ADAMTS20: variants seen among roughly 807,000 people sequenced by gnomAD.
ADAMTS20 encodes the protein A disintegrin and metalloproteinase with thrombospondin motifs 20.
A neutral mutation model predicts 260.1 loss-of-function variants in ADAMTS20; 225 were observed. That is an observed-to-expected ratio of 0.87 (90% CI 0.78 to 0.97). The LOEUF (loss-of-function observed/expected upper bound fraction) is 0.97, where lower values mean the gene tolerates loss of function less well. Ranked by LOEUF, ADAMTS20 falls within the 50% of genes least tolerant of loss-of-function variation. ADAMTS20 has a pLI of 0.00. For missense variants in ADAMTS20, 2,400 were observed against 2,337.7 expected (o/e 1.03, Z -0.55); for synonymous variants, 802 against 769.5 (o/e 1.04, Z -0.70).
chr12:43,425,183 C>T (rs187712247), intron 28 of ADAMTS20, among the ~76,000 whole-genome samples: 9 of 152,154 alleles, frequency 5.9e-5, no homozygotes, highest in Non-Finnish European at 1.2e-4. Flanking sequence ...TCCATGTTCT[C>T]ACTTATAAGT....
intron 28 of ADAMTS20, among the ~76,000 whole-genome samples, chr12:43,415,365 A>T (rs984399924): frequency 6.6e-6 from 1 of 152,204 alleles, no homozygotes; most frequent in Non-Finnish European, 1.5e-5. Context: ...TGCTTAAAAA[A>T]AAAGCAACTC....
chr12:43,427,572 C>G, intron 26 of ADAMTS20, 103 bp from the exon 27 acceptor site: 1 of 1,118,194 alleles, frequency 8.9e-7, no homozygotes, highest in Non-Finnish European at 1.2e-6. Flanking sequence ...AAAATCAAAC[C>G]CTACATTAGA....
chr12:43,369,222 AAATG>A lies in ADAMTS20; in HGVS notation c.5538+64_5538+67del, dbSNP rs758487613. On this transcript the variant is annotated intron_variant, in intron 37 of 38. Transcript: ENST00000389420. ...GTTTCTTGCAATATTCTGGTTAAAA[AAATG>A]AATGAAGAGAAGCTATAATTTTTTT... 4 of 994,160 alleles carry A rather than the reference AAATG, an allele frequency of 4.0e-6. No individual in the cohort carries two copies. In the African/African-American group the frequency reaches 5.1e-5, roughly 13 times the overall value. The allele number at this position is 994,160 out of a possible 1,614,324, so 61.6% of individuals were successfully genotyped here. A position where few individuals can be genotyped will look rare whatever the true frequency, so the allele number is the denominator to read the frequency against.
In ADAMTS20 at chr12:43,552,059, C is replaced by G; in HGVS notation, c.-138G>C. ...CTCAGCAGCCTAGGGAACAGCAGCG[C>G]GGGCCCTGGGCCGGCTGGTCCAGCC... is the stretch of plus-strand genomic sequence containing the variant. On this transcript the variant is annotated 5_prime_UTR_variant, in exon 1 of 39. Transcript: ENST00000389420. 1 of 704,208 alleles carries G rather than the reference C, an allele frequency of 1.4e-6. No homozygotes were observed. Among genetic ancestry groups the G allele is most frequent in the South Asian group, 1.7e-5 (1 of 57,754 alleles). The allele number at this position is 704,208 out of a possible 1,614,324, so 43.6% of individuals were successfully genotyped here. A position where few individuals can be genotyped will look rare whatever the true frequency, so the allele number is the denominator to read the frequency against.
intron 7 of ADAMTS20, among the ~76,000 whole-genome samples, chr12:43,477,691 A>T (rs1404735365): frequency 2.0e-5 from 3 of 152,180 alleles, no homozygotes; most frequent in South Asian, 2.1e-4. Flanking sequence ...GCATGCAGGC[A>T]TATGTACACA....
chr12:43,430,794 C>T (rs983990342), intron 22 of ADAMTS20, among the ~76,000 whole-genome samples: 7 of 152,036 alleles, frequency 4.6e-5, no homozygotes, highest in Non-Finnish European at 8.8e-5. Context: ...TTTCAAACAC[C>T]ACCTAGTGTA....
chr12:43,430,964 GC>G, intron 22 of ADAMTS20, among the ~76,000 whole-genome samples: 1 of 152,296 alleles, frequency 6.6e-6, no homozygotes, highest in South Asian at 2.1e-4. Context: ...TGCTCATCCT[GC>G]AGACTCCTAG....
intron 31 of ADAMTS20, among the ~76,000 whole-genome samples, chr12:43,379,295 G>A (rs1288586346): frequency 6.6e-6 from 1 of 152,118 alleles, no homozygotes; most frequent in Admixed American, 6.6e-5. Context: ...AGCAACAACA[G>A]GCTAGCTAAA....
At position 43,354,254 on chromosome 12, in the gene ADAMTS20, C is replaced by A; in HGVS notation, c.5688G>T (p.Lys1896Asn). ...GACCAGTAGTCATGTGAGGAAGACACTTTCCACAGTACCCTCCACATTTGC... is the reference window on the plus strand; with the variant it reads ...GACCAGTAGTCATGTGAGGAAGACAATTTCCACAGTACCCTCCACATTTGC... The part of the protein sequence containing the change: ...FFGKCGGYCG[K>N]CLPHMTTGLP... The change falls in exon 39 of 39, where the codon AAG becomes AAT. Residue 1896 changes from lysine (K) to asparagine (N), a missense_variant. Physicochemically the swap from Lys to Asn is moderately conservative, Grantham distance 94. Coordinates refer to ENST00000389420, the MANE Select transcript of ADAMTS20 (RefSeq NM_025003.5). The A allele has an allele frequency of 7.5e-6, 12 of 1,595,240 alleles. No individual in the cohort carries two copies. The highest frequency in any genetic ancestry group is 1.0e-5 in the Non-Finnish European group (12 of 1,169,622).
At chr12:43,525,189 GA>G (rs1943125228) in intron 3 of ADAMTS20, among the ~76,000 whole-genome samples, 1 of 152,212 alleles carries the variant, frequency 6.6e-6, no homozygotes, top group African/African-American at 2.4e-5. Context: ...CTTCTCAGCA[GA>G]AACCTTGCAA....
In ADAMTS20 at chr12:43,436,977, C is replaced by A. The variant is rs531947342; in HGVS notation, c.2594-2606G>T. Among the ~76,000 whole-genome samples the A allele has an allele frequency of 3.3e-5, 5 of 152,294 alleles. No homozygotes were observed. The East Asian group carries it at 9.6e-4, about 29-fold the overall frequency. ...ACTCTATAATGAAACTTCTAGTTAA[C>A]TTGTCTGACCCACAGAGGGCTTTCA... On this transcript the variant is annotated intron_variant, in intron 18 of 38. Transcript: ENST00000389420.
At chr12:43,483,730 A>G (rs999155166) in intron 7 of ADAMTS20, among the ~76,000 whole-genome samples, 17 of 152,042 alleles carry the variant, frequency 1.1e-4, no homozygotes, top group African/African-American at 4.1e-4. Flanking sequence ...CTTCCCCTTG[A>G]AAAGTCCTCA....
intron 4 of ADAMTS20, among the ~76,000 whole-genome samples, chr12:43,498,697 C>T (rs1039581738): frequency 4.6e-5 from 7 of 152,126 alleles, no homozygotes; most frequent in East Asian, 1.9e-4. Context: ...CCCTTTAAAG[C>T]GGTTTTTGAA....
intron 36 of ADAMTS20, among the ~76,000 whole-genome samples, chr12:43,375,172 C>CA (rs58169338): frequency 0.26 from 16,265 of 61,798 alleles, 2,678 homozygotes; most frequent in Non-Finnish European, 0.32. Context: ...AACTGCGTCT[C>CA]AAAAAAAAAA....
At chr12:43,480,707 G>T (rs1942428217) in intron 7 of ADAMTS20, among the ~76,000 whole-genome samples, 1 of 152,134 alleles carries the variant, frequency 6.6e-6, no homozygotes, top group South Asian at 2.1e-4. Flanking sequence ...GCCAGGCATA[G>T]AAAGACAAAT....
chr12:43,443,847 G>C lies in ADAMTS20; in HGVS notation c.2234C>G (p.Thr745Arg), dbSNP rs146969746. The change falls in exon 16 of 39, where the codon ACA (threonine) becomes AGA (arginine). Residue 745 changes from threonine to arginine, a missense_variant. Coordinates refer to ENST00000389420, the MANE Select transcript of ADAMTS20 (RefSeq NM_025003.5). ...GCTGTACTGACGAATGTCAACGTTT[G>C]TTGCTCCTGCGGGAATCTTTACAAC... The part of the protein sequence containing the change: ...NVVVKIPAGA[T>R]NVDIRQYSYS... 1.4e-4 allele frequency: 225 copies of C among 1,613,156 alleles called. No homozygotes were observed. The highest frequency in any genetic ancestry group is 1.9e-4 in the Non-Finnish European group (219 of 1,179,428).
intron 3 of ADAMTS20, among the ~76,000 whole-genome samples, chr12:43,504,143 T>G (rs955404326): frequency 2.0e-5 from 3 of 152,220 alleles, no homozygotes; most frequent in Non-Finnish European, 4.4e-5. Context: ...CACACTGCTT[T>G]CCACAGTGGC....
Position 43,551,093 on chromosome 12 carries a change from T to C in ADAMTS20, c.269A>G (p.Gln90Arg). Reference sequence around the variant, plus strand: ...GGATGCATCGGCGGTCAGGTTCAGCTGGAAGAGCTGCCCGTAGGCAGTGAA... The same window carrying C: ...GGATGCATCGGCGGTCAGGTTCAGCCGGAAGAGCTGCCCGTAGGCAGTGAA... Reference protein sequence around the residue: ...YRFTAYGQLFQLNLTADASFL... With the variant: ...YRFTAYGQLFRLNLTADASFL... The change falls in exon 2 of 39, where the codon CAG becomes CGG. Residue 90 changes from glutamine to arginine, a missense_variant. Transcript: ENST00000389420. The surrounding 1 kb of genome is among the most constrained non-coding windows in gnomAD (Gnocchi z 4.6). 2 of 1,613,840 alleles carry C rather than the reference T, an allele frequency of 1.2e-6. No homozygotes were observed. The highest frequency in any genetic ancestry group is 1.7e-6 in the Non-Finnish European group (2 of 1,179,836).
chr12:43,440,113 C>G lies in ADAMTS20; in HGVS notation c.2291-44G>C, dbSNP rs1343448453. 7 of 1,066,152 alleles carry G rather than the reference C, an allele frequency of 6.6e-6. No homozygotes were observed. In the East Asian group the frequency reaches 2.0e-4, roughly 30 times the overall value. 66.0% of individuals were successfully genotyped at this position (1,066,152 alleles called of 1,614,324 possible). Reference sequence around the variant, plus strand: ...TAACTCATGAAATAGTAACACCAATCAACAATACAGAAAACACTTGTTTAA... The same window carrying G: ...TAACTCATGAAATAGTAACACCAATGAACAATACAGAAAACACTTGTTTAA... On this transcript the variant is annotated intron_variant, in intron 16 of 38. Transcript: ENST00000389420.
Sources: gnomAD v4.1 joint callset for allele counts (sites outside exome capture counted in the v4.1 genomes callset) on GRCh38, gnomAD v4.1.1 for gene constraint, Gnocchi (gnomAD v3.1) non-coding constraint, MANE v1.5 for transcripts, NCBI Gene and HGNC (gene_info 2026-07-23, HGNC 2026-07-21) for gene names.